The following AKAP9 variants were observed in gnomAD, a reference collection of about 807,000 sequenced individuals.
AKAP9 encodes A-kinase anchoring protein 9, also known as A-kinase anchor protein 9.
In AKAP9, 311 loss-of-function variants were observed where a neutral mutation model predicts 488.5. The ratio of observed to expected loss-of-function variants is 0.64; its 90% CI spans 0.58 to 0.70. The LOEUF is 0.70. Among genes scored for constraint, AKAP9 ranks in the 30% least tolerant of loss-of-function variants. AKAP9 has a pLI of 0.00. For missense variants in AKAP9, 4,215 were observed against 4,374.5 expected, an observed-to-expected ratio of 0.96 and a Z score of 1.03; for synonymous variants, 1,462 against 1,483.5, an observed-to-expected ratio of 0.99 and a Z score of 0.33.
intron 2 of AKAP9, among the ~76,000 whole-genome samples, chr7:91,975,082 G>C (rs1795489887): frequency 6.6e-6 from 1 of 152,066 alleles, no homozygotes; most frequent in Non-Finnish European, 1.5e-5. Context: ...AAACTCCTGA[G>C]CTCAGGAGAT....
intron 22 of AKAP9, among the ~76,000 whole-genome samples, chr7:92,059,860 C>G (rs1237644584): frequency 6.6e-6 from 1 of 151,748 alleles, no homozygotes; most frequent in Non-Finnish European, 1.5e-5. Context: ...AAAGGAAAAA[C>G]TCTTTCCAGT....
intron 12 of AKAP9, among the ~76,000 whole-genome samples, chr7:92,020,254 A>C (rs1209108808): frequency 1.3e-5 from 2 of 152,188 alleles, no homozygotes; most frequent in Non-Finnish European, 2.9e-5. Context: ...CATTTCAGCC[A>C]TACTGAAATA....
At chr7:92,029,400 A>G (rs561822996) in intron 14 of AKAP9, among the ~76,000 whole-genome samples, 2 of 152,330 alleles carry the variant, frequency 1.3e-5, no homozygotes, top group African/African-American at 4.8e-5. Flanking sequence ...CCAAATATAC[A>G]TATGTATGTT....
chr7:92,028,988 A>C (rs2130750474), intron 14 of AKAP9, among the ~76,000 whole-genome samples: 1 of 152,284 alleles, frequency 6.6e-6, no homozygotes, highest in Admixed American at 6.5e-5. Flanking sequence ...GACAGAATTT[A>C]GGGTAGAAAA....
At chr7:92,003,677 G>A (rs1167672062) in intron 8 of AKAP9, among the ~76,000 whole-genome samples, 1 of 151,740 alleles carries the variant, frequency 6.6e-6, no homozygotes, top group Non-Finnish European at 1.5e-5. Flanking sequence ...CTCTATAGTT[G>A]TTAGGTGGTT....
At chr7:92,099,579 C>G (rs1817182262) in intron 43 of AKAP9, 108 bp from the exon 44 acceptor site, 1 of 1,091,118 alleles carries the variant, frequency 9.2e-7, no homozygotes, top group Non-Finnish European at 1.4e-6. Context: ...ATACTCAACT[C>G]AAGCACCAAT....
At chr7:92,019,065 C>A (rs1024676198) in intron 12 of AKAP9, among the ~76,000 whole-genome samples, 59 of 152,056 alleles carry the variant, frequency 3.9e-4, no homozygotes, top group African/African-American at 1.4e-3. Flanking sequence ...GAAGGGAGTA[C>A]AAAGAATATG....
intron 2 of AKAP9, among the ~76,000 whole-genome samples, chr7:91,974,883 C>CT (rs1406169691): frequency 6.6e-6 from 1 of 151,504 alleles, no homozygotes; most frequent in African/African-American, 2.4e-5. Flanking sequence ...TGGGTTCTCA[C>CT]TCTGTCACCG....
chr7:92,083,431 T>G lies in AKAP9; in HGVS notation c.8422T>G (p.Leu2808Val). Residue 2808 changes from leucine (L) to valine (V), a missense_variant, in exon 33 of 50, where the codon TTA (leucine) becomes GTA (valine). This residue lies in a region of AKAP9 where 1,476 missense variants were observed against 1,477.4 expected (regional missense o/e 1.00). Coordinates refer to ENST00000356239, the MANE Select transcript of AKAP9 (RefSeq NM_005751.5). ...LVKNAGIQIN[L>V]QSECSSEEVT... ...TAAAAATGCAGGAATACAAATTAAT[T>G]TACAGAGTGAATGTTCCTCAGAAGA... 6.2e-7 allele frequency: 1 copy of G among 1,614,008 alleles called. No homozygotes were observed. The highest frequency in any genetic ancestry group is 1.1e-5 in the South Asian group (1 of 91,074).
In AKAP9 at chr7:92,070,110, G is replaced by T; in HGVS notation, c.6411G>T (p.Arg2137Ser). ...ELLLSKEQLQ[R>S]DIQERNEEIE... ...TGCTCTCTAAAGAGCAGCTTCAAAG[G>T]GATATACAAGAAAGGAATGAAGAAA... Residue 2137 changes from arginine to serine, a missense_variant, in exon 27 of 50, where the codon AGG (arginine) becomes AGT (serine). Arg to Ser is a moderately radical substitution (Grantham distance 110). Coordinates refer to ENST00000356239, the MANE Select transcript of AKAP9 (RefSeq NM_005751.5). 1 of 1,613,966 alleles carries T rather than the reference G, an allele frequency of 6.2e-7. No individual in the cohort carries two copies. The highest frequency in any genetic ancestry group is 8.5e-7 in the Non-Finnish European group (1 of 1,179,946).
intron 12 of AKAP9, among the ~76,000 whole-genome samples, chr7:92,018,405 C>A: frequency 9.4e-6 from 1 of 106,640 alleles, no homozygotes; most frequent in South Asian, 3.2e-4. Context: ...AACACACACA[C>A]ACACACACAC....
intron 39 of AKAP9, 126 bp downstream of exon 39, chr7:92,093,442 G>A: frequency 1.2e-6 from 1 of 820,462 alleles, no homozygotes; most frequent in Non-Finnish European, 2.0e-6. Flanking sequence ...GTTTTTTTTA[G>A]GAAAAACTAT....
intron 1 of AKAP9, among the ~76,000 whole-genome samples, chr7:91,942,491 A>G (rs1228706931): frequency 6.6e-6 from 1 of 152,212 alleles, no homozygotes; most frequent in Non-Finnish European, 1.5e-5. Context: ...CACTTGTGCA[A>G]TCTGAGGGGC....
At chr7:92,027,740 A>G (rs905568450) in intron 14 of AKAP9, among the ~76,000 whole-genome samples, 20 of 151,998 alleles carry the variant, frequency 1.3e-4, no homozygotes, top group Non-Finnish European at 7.4e-5. Context: ...CCGCTGTGCA[A>G]TCTTCCAAGT....
chr7:92,090,159 T>C (rs1319418806), intron 38 of AKAP9: 2 of 152,280 alleles, frequency 1.3e-5, no homozygotes, highest in African/African-American at 4.8e-5. Flanking sequence ...TTTATCAATC[T>C]GTATGTATTT....
Position 92,026,307 on chromosome 7 carries a change from G to GCTCTCC in AKAP9, c.4148+3322_4148+3327dup, listed in dbSNP as rs879267621. Among the ~76,000 whole-genome samples the GCTCTCC allele has an allele frequency of 2.2e-4, 34 of 151,988 alleles. 1 individual carries two copies. Among genetic ancestry groups the GCTCTCC allele is most frequent in the East Asian group, 5.8e-4 (3 of 5,160 alleles). ...ACTGTAAAGCTTAAAGAATGAAGTC[G>GCTCTCC]CTCTCCCTCTCCCTCTCCCTCTCCC... On this transcript the variant is annotated intron_variant, in intron 14 of 49. Transcript: ENST00000356239.
chr7:92,029,882 T>A lies in AKAP9; in HGVS notation c.4149-13T>A. On this transcript the variant is annotated splice_polypyrimidine_tract_variant and intron_variant, in intron 14 of 49. Coordinates refer to ENST00000356239, the MANE Select transcript of AKAP9 (RefSeq NM_005751.5). ...ACAACTCTAATTCTTTAACCTTTTT[T>A]ATTTATATTCAGCTTACCTGTTGAT... is the stretch of plus-strand genomic sequence containing the variant. The A allele has an allele frequency of 6.3e-7, 1 of 1,595,302 alleles. No homozygotes were observed.
intron 12 of AKAP9, among the ~76,000 whole-genome samples, chr7:92,019,090 A>G (rs1479035815): frequency 6.6e-6 from 1 of 151,804 alleles, no homozygotes; most frequent in African/African-American, 2.4e-5. Flanking sequence ...AAAAATTTAT[A>G]CTTTGTTCTC....
intron 17 of AKAP9, among the ~76,000 whole-genome samples, chr7:92,039,810 A>C (rs1785377576): frequency 6.6e-6 from 1 of 152,044 alleles, no homozygotes; most frequent in African/African-American, 2.4e-5. Flanking sequence ...CCCCCTCTCT[A>C]CTAAAAATAC....
Sources: allele counts gnomAD v4.1 joint callset (sites outside exome capture counted in the v4.1 genomes callset), GRCh38; gene constraint gnomAD v4.1.1; regional missense constraint gnomAD v4.1.1; transcripts MANE v1.5; gene names NCBI Gene and HGNC (gene_info 2026-07-23, HGNC 2026-07-21).